The following PARP8 variants were observed in gnomAD, a reference collection of about 807,000 sequenced individuals.
The protein encoded by PARP8 is poly(ADP-ribose) polymerase family member 8.
PARP8 carries 51 observed loss-of-function variants against 124.1 expected under a neutral mutation model. The ratio of observed to expected loss-of-function variants is 0.41; its 90% CI spans 0.33 to 0.52. The LOEUF (loss-of-function observed/expected upper bound fraction) is 0.52, where lower values mean the gene tolerates loss of function less well. Among genes scored for constraint, PARP8 ranks in the 20% least tolerant of loss-of-function variants. The pLI, the probability that PARP8 is intolerant of heterozygous loss-of-function variation, is 0.21. For missense variants in PARP8, 860 were observed against 1,018.9 expected, an observed-to-expected ratio of 0.84 and a Z score of 2.12; for synonymous variants, 391 against 361.5, an observed-to-expected ratio of 1.08 and a Z score of -0.93.
chr5:50,707,898 T>C (rs1374316549), intron 2 of PARP8, among the ~76,000 whole-genome samples: 1 of 152,116 alleles, frequency 6.6e-6, no homozygotes, highest in Non-Finnish European at 1.5e-5. Context: ...ATGCCTGTTA[T>C]ATTATTGAGT....
At chr5:50,737,623 C>G (rs775757949) in intron 2 of PARP8, among the ~76,000 whole-genome samples, 1 of 152,190 alleles carries the variant, frequency 6.6e-6, no homozygotes, top group African/African-American at 2.4e-5. Context: ...ATGTCCCTCA[C>G]CAGTTATTTA....
chr5:50,758,983 T>C (rs1468926214), intron 3 of PARP8, among the ~76,000 whole-genome samples: 1 of 152,248 alleles, frequency 6.6e-6, no homozygotes, highest in Non-Finnish European at 1.5e-5. Context: ...TGTGAGACTT[T>C]ATCAATTTAA....
chr5:50,721,281 T>C (rs1458495618), intron 2 of PARP8, among the ~76,000 whole-genome samples: 2 of 151,990 alleles, frequency 1.3e-5, no homozygotes, highest in Admixed American at 1.3e-4. Context: ...AGAAAACATG[T>C]CATTTAAACA....
intron 2 of PARP8, among the ~76,000 whole-genome samples, chr5:50,702,476 A>G (rs1282908783): frequency 1.3e-5 from 2 of 152,108 alleles, no homozygotes; most frequent in Admixed American, 6.5e-5. Context: ...TCTCATTTTG[A>G]TATGTGATTT....
chr5:50,667,031 G>A lies in PARP8; in HGVS notation c.-65G>A, dbSNP rs554959710. On this transcript the variant is annotated 5_prime_UTR_variant, in exon 1 of 26. Transcript: ENST00000281631. ...TTTAACTGAATATTTACGAAAGCTG[G>A]AAGCGTGCGAGGGGGGTGGGGTGGG... The A allele has an allele frequency of 6.3e-7, 1 of 1,593,282 alleles. No homozygotes were observed. Among genetic ancestry groups the A allele is most frequent in the East Asian group, 2.2e-5 (1 of 44,702 alleles).
intron 9 of PARP8, among the ~76,000 whole-genome samples, chr5:50,783,202 G>A (rs1352669128): frequency 6.6e-6 from 1 of 151,980 alleles, no homozygotes; most frequent in East Asian, 1.9e-4. Context: ...GGGGAGACAG[G>A]GAAGGGAGAT....
chr5:50,827,540 T>G (rs1425552363), intron 19 of PARP8, among the ~76,000 whole-genome samples: 1 of 152,188 alleles, frequency 6.6e-6, no homozygotes, highest in Non-Finnish European at 1.5e-5. Flanking sequence ...ACTTTTCTTT[T>G]CTGCTTAGCA....
chr5:50,676,071 A>G (rs1252453620), intron 2 of PARP8, among the ~76,000 whole-genome samples: 1 of 152,228 alleles, frequency 6.6e-6, no homozygotes, highest in Non-Finnish European at 1.5e-5. Context: ...TTGGCTTTTT[A>G]GAATGTTATA....
chr5:50,790,010 A>C lies in PARP8; in HGVS notation c.737+1421A>C, dbSNP rs5005825. Among the ~76,000 whole-genome samples the C allele has an allele frequency of 7.5e-3, 1,142 of 152,272 alleles. 14 individuals are homozygous for C. Among genetic ancestry groups the C allele is most frequent in the African/African-American group, 0.026 (1,072 of 41,538 alleles). ...ATATGATATCTAGGATTTTGTACGT[A>C]TTACAGAGCTCTAGAATTTTCTCAA... On this transcript the variant is annotated intron_variant, in intron 10 of 25. Transcript: ENST00000281631.
chr5:50,773,511 A>G (rs1761836457), intron 7 of PARP8, among the ~76,000 whole-genome samples: 1 of 151,938 alleles, frequency 6.6e-6, no homozygotes, highest in Non-Finnish European at 1.5e-5. Flanking sequence ...TGTGTTCTCT[A>G]TTCTGTTTCG....
At chr5:50,669,822 G>C (rs965487691) in intron 2 of PARP8, among the ~76,000 whole-genome samples, 8 of 152,150 alleles carry the variant, frequency 5.3e-5, no homozygotes, top group African/African-American at 9.7e-5. Flanking sequence ...GTTTTCTTTT[G>C]TCACTGATTT....
chr5:50,717,896 G>A (rs1188098482), intron 2 of PARP8, among the ~76,000 whole-genome samples: 3 of 151,692 alleles, frequency 2.0e-5, no homozygotes, highest in Non-Finnish European at 4.4e-5. Flanking sequence ...GGATCATGGA[G>A]GTTGTTGATT....
At chr5:50,700,469 G>C (rs1299013963) in intron 2 of PARP8, among the ~76,000 whole-genome samples, 1 of 152,092 alleles carries the variant, frequency 6.6e-6, no homozygotes, top group Admixed American at 6.6e-5. Flanking sequence ...TCCCACTATT[G>C]TGGGTCACCC....
chr5:50,724,951 T>G lies in PARP8; in HGVS notation c.147-25200T>G, dbSNP rs185056239. 5.3e-5 allele frequency among the ~76,000 whole-genome samples: 8 copies of G among 152,026 alleles called. No individual in the cohort carries two copies. In the East Asian group the frequency reaches 1.6e-3, roughly 29 times the overall value. ...CCCACTTTTAAGTGAAAACGTATGG[T>G]TTTTGGTTTTCCACTCCTGAGTTAC... On this transcript the variant is annotated intron_variant, in intron 2 of 25. Transcript: ENST00000281631.
chr5:50,813,433 C>T (rs1029856451), intron 14 of PARP8, among the ~76,000 whole-genome samples: 1 of 152,098 alleles, frequency 6.6e-6, no homozygotes, highest in African/African-American at 2.4e-5. Flanking sequence ...GATTTTTGCA[C>T]ATTGATTTTG....
At chr5:50,742,969 CAG>C (rs2149537422) in intron 2 of PARP8, among the ~76,000 whole-genome samples, 1 of 152,194 alleles carries the variant, frequency 6.6e-6, no homozygotes, top group East Asian at 1.9e-4. Context: ...GGTAAAGACA[CAG>C]AGTGAATGCA....
chr5:50,748,021 A>G (rs71615982), intron 2 of PARP8, among the ~76,000 whole-genome samples: 20,906 of 151,856 alleles, frequency 0.14, 1,511 homozygotes, highest in East Asian at 0.19. Context: ...GTCTTGTTCC[A>G]TTAACATTCA....
In PARP8 at chr5:50,666,816, T is replaced by A; in HGVS notation, c.-280T>A. 2.0e-5 allele frequency: 24 copies of A among 1,228,858 alleles called. No individual in the cohort carries two copies. The highest frequency in any genetic ancestry group is 2.5e-5 in the Non-Finnish European group (24 of 958,864). 76.1% of individuals were successfully genotyped at this position (1,228,858 alleles called of 1,614,324 possible). ...AAAGTGAGACTTGGTGTCATCACCA[T>A]CCATTGTCAGAAGGGGAGGAAATTG... On this transcript the variant is annotated 5_prime_UTR_variant, in exon 1 of 26. Coordinates refer to ENST00000281631, the MANE Select transcript of PARP8 (RefSeq NM_024615.4).
At chr5:50,683,653 AACT>A (rs1751533873) in intron 2 of PARP8, among the ~76,000 whole-genome samples, 1 of 152,148 alleles carries the variant, frequency 6.6e-6, no homozygotes, top group African/African-American at 2.4e-5. Context: ...CTAAATTTAG[AACT>A]ACTCTTTATC....
Sources: gnomAD v4.1 joint callset for allele counts (sites outside exome capture counted in the v4.1 genomes callset) on GRCh38, gnomAD v4.1.1 for gene constraint, MANE v1.5 for transcripts, NCBI Gene and HGNC (gene_info 2026-07-23, HGNC 2026-07-21) for gene names.